RBM47: variants seen among roughly 807,000 people sequenced by gnomAD.
The protein encoded by RBM47 is RNA-binding protein 47.
Under a neutral mutation model 47.1 loss-of-function variants are expected in RBM47, and 21 were observed. The ratio of observed to expected loss-of-function variants is 0.45; its 90% CI spans 0.32 to 0.64. RBM47 has a LOEUF of 0.64. Ranked by LOEUF, RBM47 falls within the 30% of genes least tolerant of loss-of-function variation. RBM47 has a pLI of 0.05. For missense variants in RBM47, 708 were observed against 870.9 expected (o/e 0.81, Z 2.35); for synonymous variants, 375 against 361.7 (o/e 1.04, Z -0.42).
chr4:40,611,379 C>A (rs1172776923), intron 1 of RBM47, among the ~76,000 whole-genome samples: 3 of 152,096 alleles, frequency 2.0e-5, no homozygotes, highest in East Asian at 1.9e-4. Context: ...GAACCTGTAT[C>A]CACTCAATGA....
At chr4:40,561,378 T>G (rs1328406236) in intron 1 of RBM47, among the ~76,000 whole-genome samples, 1 of 151,674 alleles carries the variant, frequency 6.6e-6, no homozygotes, top group East Asian at 1.9e-4. Context: ...ATTACAGGCA[T>G]GCACCATTAC....
intron 1 of RBM47, among the ~76,000 whole-genome samples, chr4:40,566,428 C>T (rs1471516751): frequency 1.3e-5 from 2 of 151,576 alleles, no homozygotes; most frequent in Non-Finnish European, 3.0e-5. Flanking sequence ...GGGTGGATCA[C>T]GAGGTCAGGA....
chr4:40,560,744 A>C (rs1427289077), intron 1 of RBM47, among the ~76,000 whole-genome samples: 2 of 152,160 alleles, frequency 1.3e-5, no homozygotes, highest in African/African-American at 4.8e-5. Flanking sequence ...AGGCAGGTGG[A>C]TTACGAGGTC....
chr4:40,459,172 A>G (rs1560383363), intron 3 of RBM47, among the ~76,000 whole-genome samples: 1 of 152,192 alleles, frequency 6.6e-6, no homozygotes, highest in Non-Finnish European at 1.5e-5. Context: ...TAGTGTTTAT[A>G]GTTTATTTTA....
chr4:40,581,733 A>AGTGC (rs1553904749), intron 1 of RBM47, among the ~76,000 whole-genome samples: 138 of 151,168 alleles, frequency 9.1e-4, no homozygotes, highest in African/African-American at 2.7e-3. Context: ...GGTGTGTGTG[A>AGTGC]AGAGAGGCTG....
rs1428462716 is a variant in RBM47, at chr4:40,480,087, C to A, written c.-154-13388G>T. Among the ~76,000 whole-genome samples the A allele has an allele frequency of 2.0e-5, 3 of 150,362 alleles. No homozygotes were observed. The Admixed American group carries it at 2.0e-4, about 10-fold the overall frequency. On this transcript the variant is annotated intron_variant, in intron 2 of 6. Coordinates refer to ENST00000295971, the MANE Select transcript of RBM47 (RefSeq NM_001098634.2). Reference sequence around the variant, plus strand: ...CCACCTCTCAGGTTCAAGTGATTCTCCTGCCTCAGCCTCCTGAGTAGCTGG... The same window carrying A: ...CCACCTCTCAGGTTCAAGTGATTCTACTGCCTCAGCCTCCTGAGTAGCTGG...
rs957938613 is a variant in RBM47 at position 40,424,254 on chromosome 4, A to T, written c.*1650T>A. The T allele has an allele frequency of 1.3e-5, 2 of 152,644 alleles. No individual in the cohort carries two copies. Among genetic ancestry groups the T allele is most frequent in the Non-Finnish European group, 2.9e-5 (2 of 68,040 alleles). The allele number at this position is 152,644 out of a possible 1,614,324, so 9.5% of individuals were successfully genotyped here. A position where few individuals can be genotyped will look rare whatever the true frequency, so the allele number is the denominator to read the frequency against. The stretch of plus-strand genomic sequence containing the variant: ...TTGTATGGATCTCTAACATGACATA[A>T]AAACGCAACTGCGTTTTACTTGCTA... On this transcript the variant is annotated 3_prime_UTR_variant, in exon 7 of 7. Transcript: ENST00000295971.
rs184389958 is a variant in RBM47, at chr4:40,535,453, C to A, written c.-155+8969G>T. Among the ~76,000 whole-genome samples the A allele has an allele frequency of 3.9e-3, 573 of 146,752 alleles. 6 individuals carry two copies. The highest frequency in any genetic ancestry group is 0.014 in the African/African-American group (553 of 39,118). On this transcript the variant is annotated intron_variant, in intron 2 of 6. Transcript: ENST00000295971. ...AGTGGCACATACCAGCTCACTGCAA[C>A]CTCCGCCTCCCGGGTTCAAGCGATT...
chr4:40,437,090 A>AAAAAAAAAAAT (rs1256296949), intron 4 of RBM47, among the ~76,000 whole-genome samples: 1 of 49,852 alleles, frequency 2.0e-5, no homozygotes, highest in Non-Finnish European at 3.3e-5. Context: ...AAAAAAAAAA[A>AAAAAAAAAAAT]ATATATATAT....
At position 40,425,730 on chromosome 4, in the gene RBM47, T is replaced by C. The variant is rs550782622; in HGVS notation, c.*174A>G. 72 of 945,816 alleles carry C rather than the reference T, an allele frequency of 7.6e-5. No individual in the cohort carries two copies. Among genetic ancestry groups the C allele is most frequent in the Admixed American group, 2.1e-4 (7 of 33,900 alleles). The allele number at this position is 945,816 out of a possible 1,614,324, so 58.6% of individuals were successfully genotyped here. On this transcript the variant is annotated 3_prime_UTR_variant, in exon 7 of 7. Transcript: ENST00000295971. ...GAACGTAGGCATGCTAAGTTGAAAATAGTCTTAAAAAACTAGTGAAAACTT... is the reference window on the plus strand; with the variant it reads ...GAACGTAGGCATGCTAAGTTGAAAACAGTCTTAAAAAACTAGTGAAAACTT...
intron 2 of RBM47, among the ~76,000 whole-genome samples, chr4:40,506,543 C>G (rs1047659406): frequency 4.6e-5 from 7 of 152,196 alleles, no homozygotes; most frequent in Non-Finnish European, 1.0e-4. Flanking sequence ...CTGGGAAGGG[C>G]AGAGGGCTCC....
chr4:40,561,548 T>TCTA (rs201960838), intron 1 of RBM47, among the ~76,000 whole-genome samples: 1 of 139,434 alleles, frequency 7.2e-6, no homozygotes, highest in Non-Finnish European at 1.5e-5. Context: ...TCTTTTCTTT[T>TCTA]TTTTTTCTTT....
chr4:40,428,197 C>CAAAAT (rs1715345811), intron 6 of RBM47, among the ~76,000 whole-genome samples: 1 of 83,276 alleles, frequency 1.2e-5, no homozygotes, highest in Admixed American at 1.1e-4. Flanking sequence ...TTGTCTCAAA[C>CAAAAT]AAAACAAAAC....
chr4:40,540,754 T>G (rs1728454149), intron 2 of RBM47, among the ~76,000 whole-genome samples: 1 of 149,608 alleles, frequency 6.7e-6, no homozygotes, highest in Non-Finnish European at 1.5e-5. Context: ...CTCCTTCAGT[T>G]GGGTTTTTTA....
At chr4:40,474,264 C>CCTCT (rs1482437748) in intron 2 of RBM47, among the ~76,000 whole-genome samples, 1 of 152,186 alleles carries the variant, frequency 6.6e-6, no homozygotes, top group African/African-American at 2.4e-5. Flanking sequence ...TAGCTTGGAA[C>CCTCT]CGAGAAGCAG....
At chr4:40,591,337 T>C (rs542180339) in intron 1 of RBM47, among the ~76,000 whole-genome samples, 16 of 152,286 alleles carry the variant, frequency 1.1e-4, no homozygotes, top group Non-Finnish European at 1.9e-4. Context: ...TAGTTAACTT[T>C]ACATTATGTA....
At chr4:40,512,016 G>A (rs538727068) in intron 2 of RBM47, among the ~76,000 whole-genome samples, 1 of 152,226 alleles carries the variant, frequency 6.6e-6, no homozygotes, top group South Asian at 2.1e-4. Flanking sequence ...GAAATAAAGG[G>A]AAACAAGGAA....
In RBM47 at chr4:40,561,554, TC is replaced by T. The variant is rs372613376; in HGVS notation, c.-239-17049del. 2.4e-3 allele frequency among the ~76,000 whole-genome samples: 333 copies of T among 138,906 alleles called. 6 individuals are homozygous for T. Among genetic ancestry groups the T allele is most frequent in the African/African-American group, 6.7e-3 (239 of 35,616 alleles). The allele number at this position is 138,906 out of a possible 152,430, so 91.1% of individuals were successfully genotyped here. On this transcript the variant is annotated intron_variant, in intron 1 of 6. Transcript: ENST00000295971. ...TTTGCTTCTTCTTTTCTTTTTTTTT[TC>T]TTTTTTTTTTTTGAGACAGGGTCTT... is the stretch of plus-strand genomic sequence containing the variant.
At chr4:40,453,572 G>A (rs1029270155) in intron 3 of RBM47, among the ~76,000 whole-genome samples, 5 of 152,222 alleles carry the variant, frequency 3.3e-5, no homozygotes, top group African/African-American at 1.2e-4. Flanking sequence ...TTAAGATGAT[G>A]AAGATGAACT....
Sources: gnomAD v4.1 joint callset for allele counts (sites outside exome capture counted in the v4.1 genomes callset) on GRCh38, gnomAD v4.1.1 for gene constraint, MANE v1.5 for transcripts, NCBI Gene and HGNC (gene_info 2026-07-23, HGNC 2026-07-21) for gene names.